The following GFOD1 variants were observed in gnomAD, a reference collection of about 807,000 sequenced individuals.
The protein encoded by GFOD1 is glucose-fructose oxidoreductase domain-containing protein 1.
In GFOD1, 9 loss-of-function variants were observed where a neutral mutation model predicts 25.4. The observed-to-expected ratio is 0.35, with a 90% CI of 0.21 to 0.62. GFOD1 has a LOEUF of 0.62. GFOD1 is among the 20% of genes least tolerant of loss of function. GFOD1 has a pLI of 0.72. For synonymous variants in GFOD1, 253 were observed against 245.6 expected (o/e 1.03, Z -0.28); for missense variants, 403 against 556.9 (o/e 0.72, Z 2.78).
intron 1 of GFOD1, among the ~76,000 whole-genome samples, chr6:13,367,424 G>A (rs927621117): frequency 5.3e-5 from 8 of 152,154 alleles, no homozygotes; most frequent in African/African-American, 9.7e-5. Context: ...TACAAAGAGC[G>A]GATATCACCT....
At chr6:13,387,120 G>A (rs929860635) in intron 1 of GFOD1, among the ~76,000 whole-genome samples, 5 of 152,148 alleles carry the variant, frequency 3.3e-5, no homozygotes, top group Non-Finnish European at 7.3e-5. Context: ...ACAAGAAATT[G>A]AAATTGCAAG....
intron 1 of GFOD1, among the ~76,000 whole-genome samples, chr6:13,402,513 A>G (rs953512216): frequency 5.3e-5 from 8 of 152,244 alleles, no homozygotes; most frequent in African/African-American, 1.9e-4. Context: ...AAAAAATGAG[A>G]AAGGATCTAA....
chr6:13,409,132 A>AGAAAGAAAGAAAGGAAAG lies in GFOD1; in HGVS notation c.254-43471_254-43470insCTTTCCTTTCTTTCTTTC, dbSNP rs1554201866. ...AAGAAAGAAAGAAAGAAAGAAAGAA[A>AGAAAGAAAGAAAGGAAAG]GAAAGAAAGAAAGAAAGAGAGGAAA... On this transcript the variant is annotated intron_variant, in intron 1 of 1. Transcript: ENST00000379287. Among the ~76,000 whole-genome samples, 2 of 44,096 alleles carry AGAAAGAAAGAAAGGAAAG rather than the reference A, an allele frequency of 4.5e-5. 1 individual carries two copies. Among genetic ancestry groups the AGAAAGAAAGAAAGGAAAG allele is most frequent in the Non-Finnish European group, 1.4e-4 (2 of 14,302 alleles). The allele number at this position is 44,096 out of a possible 152,430, so 28.9% of individuals were successfully genotyped here.
At chr6:13,485,249 A>C (rs145547065) in intron 1 of GFOD1, among the ~76,000 whole-genome samples, 146 of 152,326 alleles carry the variant, frequency 9.6e-4, no homozygotes, top group Middle Eastern at 3.4e-3. Flanking sequence ...CTATGGAGAA[A>C]GAGTTTTACA....
rs115528782 is a variant in GFOD1, at chr6:13,476,115, C to T, written c.253+10523G>A. ...GGTATTTAACCAAGAGAAATGAAAA[C>T]ATGGCTCCACAAAAGACTTATATGC... On this transcript the variant is annotated intron_variant, in intron 1 of 1. Transcript: ENST00000379287. Among the ~76,000 whole-genome samples, 1,006 of 152,278 alleles carry T rather than the reference C, an allele frequency of 6.6e-3. 8 individuals carry two copies. Among genetic ancestry groups the T allele is most frequent in the Middle Eastern group, 0.02 (6 of 294 alleles).
intron 1 of GFOD1, among the ~76,000 whole-genome samples, chr6:13,390,814 AG>A (rs1785587415): frequency 6.6e-6 from 1 of 151,622 alleles, no homozygotes; most frequent in Non-Finnish European, 1.5e-5. Flanking sequence ...GAAGGAAGGA[AG>A]GAAGGAAGGA....
rs752824003 is a variant in GFOD1, at chr6:13,364,732, C to T, written c.*11G>A. On this transcript the variant is annotated 3_prime_UTR_variant, in exon 2 of 2. Coordinates refer to ENST00000379287, the MANE Select transcript of GFOD1 (RefSeq NM_018988.4). This position sits in a 1 kb window ranked among gnomAD's most constrained non-coding sequence, Gnocchi z 4.1. ...GCAGAAGGCTCAAGTCCCCGAGGTT[C>T]TCAATCTGTGCTAACAGTAGAGGGA... 6.3e-7 allele frequency: 1 copy of T among 1,597,744 alleles called. No individual in the cohort carries two copies. Among genetic ancestry groups the T allele is most frequent in the Non-Finnish European group, 8.6e-7 (1 of 1,169,362 alleles).
At chr6:13,476,660 T>C (rs1296830639) in intron 1 of GFOD1, among the ~76,000 whole-genome samples, 2 of 152,226 alleles carry the variant, frequency 1.3e-5, no homozygotes, top group African/African-American at 2.4e-5. Context: ...AGCTTTACAA[T>C]TGTGGAGTAA....
chr6:13,411,516 T>C (rs1050784817), intron 1 of GFOD1, among the ~76,000 whole-genome samples: 4 of 152,164 alleles, frequency 2.6e-5, no homozygotes, highest in Non-Finnish European at 4.4e-5. Context: ...GGTCTCGATC[T>C]CCTGACCTCA....
chr6:13,401,498 T>G (rs775552045), intron 1 of GFOD1, among the ~76,000 whole-genome samples: 68 of 152,200 alleles, frequency 4.5e-4, no homozygotes, highest in Non-Finnish European at 1.0e-4. Context: ...TACAAGTATT[T>G]ATGGATAATG....
intron 1 of GFOD1, among the ~76,000 whole-genome samples, chr6:13,398,694 C>T (rs1368606747): frequency 6.6e-6 from 1 of 152,158 alleles, no homozygotes; most frequent in Non-Finnish European, 1.5e-5. Context: ...GAAAGAGGCT[C>T]TGTTGAGCCA....
chr6:13,386,919 A>G (rs1187858776), intron 1 of GFOD1, among the ~76,000 whole-genome samples: 1 of 152,206 alleles, frequency 6.6e-6, no homozygotes, highest in Non-Finnish European at 1.5e-5. Flanking sequence ...AGTTTGGGAA[A>G]TGCTGGTGAA....
intron 1 of GFOD1, among the ~76,000 whole-genome samples, chr6:13,409,127 AAGAAAGAAAGAAAGAAAGAAAG>A (rs1176409904): frequency 1.9e-5 from 1 of 52,132 alleles, no homozygotes. Context: ...GAAAGAAAGA[AAGAAAGAAAGAAAGAAAGAAAG>A]AGAGGAAAGA....
chr6:13,424,073 G>C (rs1205791616), intron 1 of GFOD1, among the ~76,000 whole-genome samples: 1 of 152,154 alleles, frequency 6.6e-6, no homozygotes, highest in East Asian at 1.9e-4. Flanking sequence ...GGTCAGGCTG[G>C]TCTTGAACTC....
intron 1 of GFOD1, among the ~76,000 whole-genome samples, chr6:13,412,652 C>T (rs138580607): frequency 1.2e-4 from 18 of 152,328 alleles, no homozygotes; most frequent in South Asian, 4.1e-4. Context: ...CCAGGGGTGT[C>T]GACCCTGGGA....
chr6:13,391,137 T>G (rs574680223), intron 1 of GFOD1, among the ~76,000 whole-genome samples: 2 of 152,346 alleles, frequency 1.3e-5, no homozygotes, highest in East Asian at 1.9e-4. Context: ...AGGATATGAT[T>G]GGTTATTTCA....
chr6:13,425,889 G>GA (rs1319849761), intron 1 of GFOD1, among the ~76,000 whole-genome samples: 1 of 149,262 alleles, frequency 6.7e-6, no homozygotes, highest in African/African-American at 2.5e-5. Flanking sequence ...AAAAAAAGAA[G>GA]AAGAAAGAAA....
chr6:13,470,050 T>C (rs1167772266), intron 1 of GFOD1: 11 of 1,377,094 alleles, frequency 8.0e-6, no homozygotes, highest in Non-Finnish European at 1.1e-5. Flanking sequence ...TCCTTACACA[T>C]TGTAGCCACT....
In GFOD1 at chr6:13,487,337, CACAG is replaced by C. The variant is rs1413220598; in HGVS notation, c.-451_-448del. The C allele has an allele frequency of 1.2e-5, 2 of 164,374 alleles. No individual in the cohort carries two copies. The highest frequency in any genetic ancestry group is 2.4e-5 in the African/African-American group (1 of 41,920). 10.2% of individuals were successfully genotyped at this position (164,374 alleles called of 1,614,324 possible). ...CGTCGTTTGCGCAGCCGGCGAATCG[CACAG>C]ACAAACGTCTACACCCTGCCAGAGC... is the stretch of plus-strand genomic sequence containing the variant. On this transcript the variant is annotated 5_prime_UTR_variant, in exon 1 of 2. Transcript: ENST00000379287. The surrounding 1 kb of genome is among the most constrained non-coding windows in gnomAD (Gnocchi z 4.9).
Sources: allele counts gnomAD v4.1 joint callset (sites outside exome capture counted in the v4.1 genomes callset), GRCh38; gene constraint gnomAD v4.1.1; non-coding constraint Gnocchi (gnomAD v3.1); transcripts MANE v1.5; gene names NCBI Gene and HGNC (gene_info 2026-07-23, HGNC 2026-07-21).